Variants in PRKCSH observed in about 807,000 individuals in gnomAD.
The protein encoded by PRKCSH is glucosidase 2 subunit beta.
In PRKCSH, 42 loss-of-function variants were observed where a neutral mutation model predicts 79.7. That is an observed-to-expected ratio of 0.53 (90% confidence interval 0.41 to 0.68). The LOEUF (loss-of-function observed/expected upper bound fraction) is 0.68, where lower values mean the gene tolerates loss of function less well. Ranked by LOEUF, PRKCSH falls within the 30% of genes least tolerant of loss-of-function variation. The pLI is 0.00. For missense variants in PRKCSH, 686 were observed against 709.0 expected, an observed-to-expected ratio of 0.97 and a Z score of 0.37; for synonymous variants, 325 against 288.2, an observed-to-expected ratio of 1.13 and a Z score of -1.29.
chr19:11,437,820 G>A (rs1969848904), intron 3 of PRKCSH, 56 bp from the exon 4 acceptor site: 1 of 1,461,722 alleles, frequency 6.8e-7, no homozygotes, highest in African/African-American at 1.4e-5. Context: ...TGGATGGATG[G>A]GACATGTCTG....
At chr19:11,443,868 T>G (rs964398427) in intron 7 of PRKCSH, among the ~76,000 whole-genome samples, 2 of 152,058 alleles carry the variant, frequency 1.3e-5, no homozygotes, top group African/African-American at 4.8e-5. Context: ...CTCTACCTCC[T>G]GGGTTCAAGT....
Position 11,447,545 on chromosome 19 carries a change from A to G in PRKCSH, c.956A>G (p.Glu319Gly). ...CCCACAGAGGAGGAGGAGGAGGAGG[A>G]GGAGGAGGAGGAAGAAGAGGCTGAA... ...SSPTEEEEEE[E>G]EEEEEEAEEE... The change falls in exon 11 of 18, where the codon GAG becomes GGG. Residue 319 changes from glutamate to glycine, a missense_variant. Physicochemically the swap from Glu to Gly is moderately conservative, Grantham distance 98. Coordinates refer to ENST00000677123, the MANE Select transcript of PRKCSH (RefSeq NM_001289104.2). The surrounding 1 kb of genome is among the most constrained non-coding windows in gnomAD (Gnocchi z 5.6). 1 of 1,605,166 alleles carries G rather than the reference A, an allele frequency of 6.2e-7. No individual in the cohort carries two copies. Among genetic ancestry groups the G allele is most frequent in the South Asian group, 1.1e-5 (1 of 89,832 alleles).
intron 3 of PRKCSH, among the ~76,000 whole-genome samples, chr19:11,436,962 ATCC>A (rs1969784196): frequency 6.6e-6 from 1 of 152,216 alleles, no homozygotes; most frequent in South Asian, 2.1e-4. Flanking sequence ...GGCTCAAGTC[ATCC>A]TCCTGCCTTG....
intron 8 of PRKCSH, 45 bp downstream of exon 8, chr19:11,445,518 G>A (rs1276865265): frequency 6.3e-7 from 1 of 1,589,642 alleles, no homozygotes; most frequent in Non-Finnish European, 8.6e-7. Flanking sequence ...CGTGGGCCTG[G>A]GTTTCCCTCC....
At position 11,441,371 on chromosome 19, in the gene PRKCSH, G is replaced by A. The variant is rs1190808776; in HGVS notation, c.468+14G>A. 4.3e-6 allele frequency: 7 copies of A among 1,612,412 alleles called. No individual in the cohort carries two copies. The highest frequency in any genetic ancestry group is 2.2e-5 in the East Asian group (1 of 44,860). ...GAGGAGAAGCAGGTAAGGAACCCGC[G>A]GGGGCTGCCCCAGGGTGATCTGGGC... On this transcript the variant is annotated intron_variant, in intron 6 of 17. Transcript: ENST00000677123.
intron 5 of PRKCSH, 47 bp downstream of exon 5, chr19:11,438,171 G>C: frequency 1.9e-6 from 3 of 1,602,922 alleles, no homozygotes; most frequent in Non-Finnish European, 2.6e-6. Flanking sequence ...CCAAGACTTT[G>C]CCTGGCTCCA....
chr19:11,444,002 C>T (rs1970184037), intron 7 of PRKCSH, among the ~76,000 whole-genome samples: 1 of 152,194 alleles, frequency 6.6e-6, no homozygotes, highest in Non-Finnish European at 1.5e-5. Flanking sequence ...TCTTGAACTC[C>T]TGACCTCAGG....
Sources: allele counts gnomAD v4.1 joint callset (sites outside exome capture counted in the v4.1 genomes callset), GRCh38; gene constraint gnomAD v4.1.1; non-coding constraint Gnocchi (gnomAD v3.1); transcripts MANE v1.5; gene names NCBI Gene and HGNC (gene_info 2026-07-23, HGNC 2026-07-21).